SPOCK1: variants seen among roughly 807,000 people sequenced by gnomAD.
SPOCK1 encodes SPARC (osteonectin), cwcv and kazal like domains proteoglycan 1, also known as testican-1.
Under a neutral mutation model 55.3 loss-of-function variants are expected in SPOCK1, and 23 were observed. The observed-to-expected ratio is 0.42, with a 90% confidence interval of 0.30 to 0.59. The LOEUF (loss-of-function observed/expected upper bound fraction) is 0.59. SPOCK1 is among the 20% of genes least tolerant of loss of function. The probability of loss-of-function intolerance (pLI) is 0.22; values close to 1 mark genes in which losing one functional copy is unlikely to be tolerated. For synonymous variants in SPOCK1, 226 were observed against 221.0 expected, an observed-to-expected ratio of 1.02 and a Z score of -0.20; for missense variants, 499 against 552.5, an observed-to-expected ratio of 0.90 and a Z score of 0.97.
chr5:136,989,121 T>G (rs1390557926), intron 7 of SPOCK1, among the ~76,000 whole-genome samples: 2 of 152,228 alleles, frequency 1.3e-5, no homozygotes, highest in Non-Finnish European at 2.9e-5. Flanking sequence ...CCAGAGGACC[T>G]TTAAATCCAA....
intron 2 of SPOCK1, among the ~76,000 whole-genome samples, chr5:137,400,706 C>T (rs1751955283): frequency 6.6e-6 from 1 of 152,200 alleles, no homozygotes; most frequent in Non-Finnish European, 1.5e-5. Flanking sequence ...CCTCAGCACA[C>T]ACAGCACTCA....
At chr5:137,020,100 C>T (rs536603665) in intron 6 of SPOCK1, among the ~76,000 whole-genome samples, 1 of 150,186 alleles carries the variant, frequency 6.7e-6, no homozygotes, top group Non-Finnish European at 1.5e-5. Flanking sequence ...GAAAAAGAAT[C>T]CAAAATTAGA....
chr5:137,357,146 A>G (rs548508569), intron 2 of SPOCK1, among the ~76,000 whole-genome samples: 1 of 152,142 alleles, frequency 6.6e-6, no homozygotes, highest in East Asian at 1.9e-4. Context: ...ACAGGGTATC[A>G]GAGCTTACAA....
At chr5:137,153,761 G>A (rs956697777) in intron 3 of SPOCK1, among the ~76,000 whole-genome samples, 9 of 151,972 alleles carry the variant, frequency 5.9e-5, no homozygotes, top group African/African-American at 2.2e-4. Flanking sequence ...AGGAGGCTGA[G>A]GTGGGAGGAT....
intron 2 of SPOCK1, among the ~76,000 whole-genome samples, chr5:137,296,137 C>T (rs1297025522): frequency 6.6e-6 from 1 of 152,150 alleles, no homozygotes; most frequent in Non-Finnish European, 1.5e-5. Flanking sequence ...GAGGAATGGG[C>T]CCTCTTCAGA....
At chr5:137,490,344 G>A (rs532371136) in intron 2 of SPOCK1, among the ~76,000 whole-genome samples, 1 of 152,276 alleles carries the variant, frequency 6.6e-6, no homozygotes, top group East Asian at 1.9e-4. Flanking sequence ...TCTGGAGCTT[G>A]GGGACTGCCT....
chr5:137,043,951 G>A (rs907431568), intron 6 of SPOCK1, among the ~76,000 whole-genome samples: 1 of 152,184 alleles, frequency 6.6e-6, no homozygotes, highest in Non-Finnish European at 1.5e-5. Context: ...CCATGCCAAT[G>A]TAAGACAATA....
intron 2 of SPOCK1, among the ~76,000 whole-genome samples, chr5:137,376,309 G>A (rs1751313548): frequency 6.6e-6 from 1 of 152,222 alleles, no homozygotes; most frequent in African/African-American, 2.4e-5. Context: ...CCTGCAGACA[G>A]CACCGGCTGC....
chr5:137,235,898 C>T (rs1374370221), intron 3 of SPOCK1, among the ~76,000 whole-genome samples: 1 of 152,176 alleles, frequency 6.6e-6, no homozygotes, highest in Admixed American at 6.5e-5. Flanking sequence ...ACATGAAAGT[C>T]TGTGTTTAAA....
chr5:137,061,071 G>A (rs531180278), intron 6 of SPOCK1, among the ~76,000 whole-genome samples: 109 of 152,308 alleles, frequency 7.2e-4, no homozygotes, highest in Non-Finnish European at 1.4e-3. Flanking sequence ...TGAATGACAA[G>A]TGAATGAAGC....
intron 2 of SPOCK1, among the ~76,000 whole-genome samples, chr5:137,443,068 A>G (rs1260054240): frequency 6.6e-6 from 1 of 152,012 alleles, no homozygotes. Flanking sequence ...TACCACCACC[A>G]TTCCCATGGG....
intron 3 of SPOCK1, among the ~76,000 whole-genome samples, chr5:137,251,132 T>C (rs1056257715): frequency 1.3e-5 from 2 of 152,144 alleles, no homozygotes; most frequent in Non-Finnish European, 1.5e-5. Context: ...AGAATTTGCA[T>C]TTCTAACAAG....
At chr5:136,984,450 GCTC>G (rs1211227684) in intron 9 of SPOCK1, among the ~76,000 whole-genome samples, 1 of 152,080 alleles carries the variant, frequency 6.6e-6, no homozygotes, top group Non-Finnish European at 1.5e-5. Context: ...AGCAAAGCAG[GCTC>G]CTCCTTTCTT....
At chr5:137,366,840 CAG>C (rs1213331909) in intron 2 of SPOCK1, among the ~76,000 whole-genome samples, 1 of 152,162 alleles carries the variant, frequency 6.6e-6, no homozygotes. Flanking sequence ...AGAAAGAGAA[CAG>C]GGGATGGATG....
intron 3 of SPOCK1, among the ~76,000 whole-genome samples, chr5:137,172,685 A>G (rs1453590677): frequency 2.0e-5 from 3 of 152,112 alleles, no homozygotes; most frequent in Non-Finnish European, 2.9e-5. Flanking sequence ...AGTCTTAACT[A>G]CACACTCCCA....
At chr5:137,302,310 C>T (rs1757607584) in intron 2 of SPOCK1, among the ~76,000 whole-genome samples, 1 of 151,944 alleles carries the variant, frequency 6.6e-6, no homozygotes. Flanking sequence ...TGGCTCACGC[C>T]TGTAATCCCA....
intron 2 of SPOCK1, among the ~76,000 whole-genome samples, chr5:137,473,397 A>C (rs1753776050): frequency 6.6e-6 from 1 of 152,226 alleles, no homozygotes. Context: ...AGAGAGTAGG[A>C]AACAAAAACA....
chr5:137,235,164 G>C (rs1344385443), intron 3 of SPOCK1, among the ~76,000 whole-genome samples: 4 of 152,190 alleles, frequency 2.6e-5, no homozygotes, highest in African/African-American at 9.7e-5. Context: ...TTCCTGCATG[G>C]TTTCTTTGAT....
At position 137,377,792 on chromosome 5, in the gene SPOCK1, C is replaced by T. The variant is rs1215643427; in HGVS notation, c.187-110737G>A. On this transcript the variant is annotated intron_variant, in intron 2 of 10. Transcript: ENST00000394945. ...ACCCCTTGACATTCTCTACAATGGA[C>T]AGGTTCCAAGATCAACAAATGAATC... Among the ~76,000 whole-genome samples the T allele has an allele frequency of 3.9e-5, 6 of 151,958 alleles. No homozygotes were observed. The Admixed American group carries it at 4.0e-4, about 10-fold the overall frequency.
Sources: gnomAD v4.1 joint callset for allele counts (sites outside exome capture counted in the v4.1 genomes callset) on GRCh38, gnomAD v4.1.1 for gene constraint, MANE v1.5 for transcripts, NCBI Gene and HGNC (gene_info 2026-07-23, HGNC 2026-07-21) for gene names.